RBMS3: variants seen among roughly 807,000 people sequenced by gnomAD.
RBMS3 encodes the protein RNA binding motif single stranded interacting protein 3, also known as RNA-binding motif, single-stranded-interacting protein 3.
RBMS3 carries 27 observed loss-of-function variants against 66.8 expected under a neutral mutation model. The ratio of observed to expected loss-of-function variants is 0.40; its 90% confidence interval spans 0.30 to 0.56. RBMS3 has a LOEUF of 0.56. RBMS3 is among the 20% of genes least tolerant of loss of function. The pLI is 0.40. For missense variants in RBMS3, 513 were observed against 549.5 expected (o/e 0.93, Z 0.66); for synonymous variants, 188 against 183.0 (o/e 1.03, Z -0.22).
intron 12 of RBMS3, among the ~76,000 whole-genome samples, chr3:29,969,912 C>G (rs1339121839): frequency 6.6e-6 from 1 of 152,042 alleles, no homozygotes; most frequent in Non-Finnish European, 1.5e-5. Context: ...TTACTTTTGA[C>G]CTTAAGTCAT....
chr3:29,833,696 T>A (rs891347335), intron 6 of RBMS3, among the ~76,000 whole-genome samples: 1 of 151,794 alleles, frequency 6.6e-6, no homozygotes, highest in Non-Finnish European at 1.5e-5. Context: ...TGGAACAATA[T>A]CAAGAAAGCA....
chr3:29,354,847 C>T (rs1267941247), intron 1 of RBMS3, among the ~76,000 whole-genome samples: 1 of 152,136 alleles, frequency 6.6e-6, no homozygotes, highest in Non-Finnish European at 1.5e-5. Flanking sequence ...CTCTCTGTTA[C>T]TTATGTAGCA....
In RBMS3 at chr3:29,393,290, A is replaced by T. The variant is rs146044482; in HGVS notation, c.76-41453A>T. Among the ~76,000 whole-genome samples, 617 of 152,320 alleles carry T rather than the reference A, an allele frequency of 4.1e-3. 5 individuals carry two copies. Among genetic ancestry groups the T allele is most frequent in the African/African-American group, 0.014 (583 of 41,562 alleles). On this transcript the variant is annotated intron_variant, in intron 1 of 14. Transcript: ENST00000383767. ...AGGAACTCATGGTCCAGGATATGATACCAATATGAAAATAAATACAGCATA... is the reference window on the plus strand; with the variant it reads ...AGGAACTCATGGTCCAGGATATGATTCCAATATGAAAATAAATACAGCATA...
intron 6 of RBMS3, among the ~76,000 whole-genome samples, chr3:29,822,068 G>A (rs985603848): frequency 6.6e-5 from 10 of 152,204 alleles, no homozygotes; most frequent in African/African-American, 2.4e-4. Flanking sequence ...TTTTCAAACT[G>A]CACAAGGATG....
intron 11 of RBMS3, among the ~76,000 whole-genome samples, chr3:29,940,776 A>G (rs187957247): frequency 6.7e-6 from 1 of 149,900 alleles, no homozygotes; most frequent in African/African-American, 2.4e-5. Context: ...AAAAAAGTGC[A>G]TCTTATGCAA....
chr3:29,485,628 T>G (rs2125827014), intron 2 of RBMS3, among the ~76,000 whole-genome samples: 1 of 152,330 alleles, frequency 6.6e-6, no homozygotes, highest in Middle Eastern at 3.4e-3. Flanking sequence ...TTTACTTCAT[T>G]TATTTATTTC....
chr3:29,964,742 T>A (rs1343115346), intron 12 of RBMS3, among the ~76,000 whole-genome samples: 2 of 152,152 alleles, frequency 1.3e-5, no homozygotes, highest in Non-Finnish European at 2.9e-5. Context: ...TTTCCATAAG[T>A]TATTGGAGTA....
At chr3:29,581,552 A>T (rs1336288094) in intron 3 of RBMS3, among the ~76,000 whole-genome samples, 2 of 152,196 alleles carry the variant, frequency 1.3e-5, no homozygotes, top group Non-Finnish European at 1.5e-5. Flanking sequence ...ATTTATGGAA[A>T]GGTGATTCAT....
chr3:29,691,826 C>CAT (rs1397555014), intron 4 of RBMS3, among the ~76,000 whole-genome samples: 3 of 152,062 alleles, frequency 2.0e-5, no homozygotes, highest in South Asian at 2.1e-4. Context: ...TTCTCTGTCA[C>CAT]ATAACAATGC....
At chr3:29,489,448 A>G (rs2043445364) in intron 3 of RBMS3, among the ~76,000 whole-genome samples, 1 of 152,084 alleles carries the variant, frequency 6.6e-6, no homozygotes, top group South Asian at 2.1e-4. Flanking sequence ...GAATAATATG[A>G]CATGATTTCT....
intron 4 of RBMS3, among the ~76,000 whole-genome samples, chr3:29,588,056 G>A (rs1332054977): frequency 6.6e-6 from 1 of 151,902 alleles, no homozygotes; most frequent in African/African-American, 2.4e-5. Flanking sequence ...AAAATTTGTA[G>A]AAACCTCATG....
intron 4 of RBMS3, among the ~76,000 whole-genome samples, chr3:29,649,649 C>T (rs2050071284): frequency 6.6e-6 from 1 of 151,986 alleles, no homozygotes; most frequent in African/African-American, 2.4e-5. Flanking sequence ...CTCAGAGGTT[C>T]CCAATCTGAA....
chr3:29,474,333 A>G (rs1339486526), intron 2 of RBMS3, among the ~76,000 whole-genome samples: 4 of 152,212 alleles, frequency 2.6e-5, no homozygotes, highest in Non-Finnish European at 4.4e-5. Context: ...TTCTATTATT[A>G]ATAAGCATTT....
intron 4 of RBMS3, among the ~76,000 whole-genome samples, chr3:29,668,685 A>C (rs765414233): frequency 6.6e-6 from 1 of 152,230 alleles, no homozygotes; most frequent in South Asian, 2.1e-4. Context: ...AGGAGGTACA[A>C]TACTTACACA....
chr3:29,557,435 C>G (rs993828518), intron 3 of RBMS3, among the ~76,000 whole-genome samples: 2 of 152,196 alleles, frequency 1.3e-5, no homozygotes, highest in African/African-American at 4.8e-5. Context: ...CTGCTGAGAC[C>G]AAGCTCTGGC....
intron 4 of RBMS3, among the ~76,000 whole-genome samples, chr3:29,701,605 C>T (rs923500698): frequency 4.6e-5 from 7 of 151,556 alleles, no homozygotes; most frequent in South Asian, 4.2e-4. Context: ...ACTGGGGCTG[C>T]GCGCGTCGTT....
At chr3:29,791,738 C>T (rs1235532047) in intron 6 of RBMS3, among the ~76,000 whole-genome samples, 1 of 152,150 alleles carries the variant, frequency 6.6e-6, no homozygotes. Flanking sequence ...AACATCCTGA[C>T]AGCGTTCACT....
At chr3:29,954,661 A>G (rs917022819) in intron 12 of RBMS3, among the ~76,000 whole-genome samples, 7 of 151,994 alleles carry the variant, frequency 4.6e-5, no homozygotes, top group Admixed American at 1.3e-4. Flanking sequence ...GGTGCACTCT[A>G]TGCCACATGC....
rs1003868078 is a variant in RBMS3 at position 30,005,598 on chromosome 3, C to G, written c.*1736C>G. On this transcript the variant is annotated 3_prime_UTR_variant, in exon 15 of 15. Coordinates refer to ENST00000383767, the MANE Select transcript of RBMS3 (RefSeq NM_001003793.3). ...TAGTCTTCCCTCTAAATTACAACAC[C>G]TCTGGGTTTTGTCTTTACACCTCTG... 1 of 151,786 alleles carries G rather than the reference C, an allele frequency of 6.6e-6. No homozygotes were observed. 9.4% of individuals were successfully genotyped at this position (151,786 alleles called of 1,614,324 possible). A position where few individuals can be genotyped will look rare whatever the true frequency, so the allele number is the denominator to read the frequency against.
Sources: allele counts gnomAD v4.1 joint callset (sites outside exome capture counted in the v4.1 genomes callset), GRCh38; gene constraint gnomAD v4.1.1; transcripts MANE v1.5; gene names NCBI Gene and HGNC (gene_info 2026-07-23, HGNC 2026-07-21).